The following NSMCE2 variants were observed in gnomAD, a reference collection of about 807,000 sequenced individuals.
NSMCE2 encodes E3 SUMO-protein ligase NSE2.
NSMCE2 carries 24 observed loss-of-function variants against 23.8 expected under a neutral mutation model. The ratio of observed to expected loss-of-function variants is 1.01; its 90% CI spans 0.73 to 1.42. The LOEUF (loss-of-function observed/expected upper bound fraction) is 1.42. NSMCE2 is among the 40% of genes most tolerant of loss of function. The pLI, the probability that NSMCE2 is intolerant of heterozygous loss-of-function variation, is 0.00. For missense variants in NSMCE2, 284 were observed against 296.5 expected (o/e 0.96, Z 0.31); for synonymous variants, 92 against 94.1 (o/e 0.98, Z 0.13).
rs556841069 is a variant in NSMCE2 at position 125,105,079 on chromosome 8, T to G, written c.157+2592T>G. On this transcript the variant is annotated intron_variant, in intron 3 of 7. Transcript: ENST00000287437. ...CAGGGAGGAGGCCATTGCAAGACTT[T>G]TCCCAGTTTTCCCTTATTGCAGTAA... 1.1e-4 allele frequency among the ~76,000 whole-genome samples: 17 copies of G among 152,322 alleles called. No individual in the cohort carries two copies. The South Asian group carries it at 2.5e-3, about 22-fold the overall frequency.
At chr8:125,324,998 A>C (rs999555061) in intron 5 of NSMCE2, among the ~76,000 whole-genome samples, 6 of 152,226 alleles carry the variant, frequency 3.9e-5, no homozygotes, top group African/African-American at 1.2e-4. Context: ...GCACAAGGCA[A>C]CTTTGTGAAC....
intron 5 of NSMCE2, among the ~76,000 whole-genome samples, chr8:125,296,906 A>T (rs537568568): frequency 2.6e-5 from 4 of 152,324 alleles, no homozygotes; most frequent in African/African-American, 9.6e-5. Context: ...AAAAAACAAC[A>T]GTGCTTATAC....
At chr8:125,362,355 A>G (rs1489228515) in intron 7 of NSMCE2, among the ~76,000 whole-genome samples, 1 of 152,226 alleles carries the variant, frequency 6.6e-6, no homozygotes, top group African/African-American at 2.4e-5. Flanking sequence ...CAGTTCCAGC[A>G]TCAACCTCGC....
chr8:125,355,006 C>A (rs568104085), intron 5 of NSMCE2, among the ~76,000 whole-genome samples: 26 of 152,330 alleles, frequency 1.7e-4, no homozygotes, highest in African/African-American at 5.5e-4. Flanking sequence ...TGTGTGTAAG[C>A]TTTATATGAA....
chr8:125,357,682 C>A, intron 6 of NSMCE2, 30 bp from the exon 7 acceptor site: 1 of 1,517,604 alleles, frequency 6.6e-7, no homozygotes, highest in Non-Finnish European at 9.2e-7. Context: ...CATTATCATT[C>A]CTGAAAGCCC....
intron 5 of NSMCE2, among the ~76,000 whole-genome samples, chr8:125,266,033 T>C (rs1008519571): frequency 6.6e-6 from 1 of 151,660 alleles, no homozygotes; most frequent in African/African-American, 2.4e-5. Flanking sequence ...GTGACCCGAA[T>C]AAAGAACACA....
chr8:125,318,452 A>G (rs915040257), intron 5 of NSMCE2, among the ~76,000 whole-genome samples: 1 of 152,194 alleles, frequency 6.6e-6, no homozygotes, highest in Non-Finnish European at 1.5e-5. Flanking sequence ...AAAGATGTAC[A>G]CTTCTGATAA....
In NSMCE2 at chr8:125,234,180, G is replaced by A. The variant is rs1273333781; in HGVS notation, c.418+51924G>A. 3.3e-5 allele frequency among the ~76,000 whole-genome samples: 5 copies of A among 152,102 alleles called. No individual in the cohort carries two copies. In the East Asian group the frequency reaches 7.7e-4, roughly 23 times the overall value. On this transcript the variant is annotated intron_variant, in intron 5 of 7. Transcript: ENST00000287437. ...TGCTCTCCAGCCTGGGCGACAGAGCGAGACTCCGTCTCAAAAAAAAAAATC... is the reference window on the plus strand; with the variant it reads ...TGCTCTCCAGCCTGGGCGACAGAGCAAGACTCCGTCTCAAAAAAAAAAATC...
At chr8:125,159,779 G>A (rs1049503400) in intron 4 of NSMCE2, among the ~76,000 whole-genome samples, 5 of 151,964 alleles carry the variant, frequency 3.3e-5, no homozygotes, top group African/African-American at 9.7e-5. Flanking sequence ...GCCCAACATG[G>A]TAAAACCCCG....
At chr8:125,303,372 C>A (rs1444077689) in intron 5 of NSMCE2, among the ~76,000 whole-genome samples, 1 of 152,128 alleles carries the variant, frequency 6.6e-6, no homozygotes, top group African/African-American at 2.4e-5. Flanking sequence ...GATTCATTTG[C>A]AGGACCAAAT....
intron 5 of NSMCE2, among the ~76,000 whole-genome samples, chr8:125,223,284 A>G (rs1824950592): frequency 6.7e-6 from 1 of 150,226 alleles, no homozygotes; most frequent in Non-Finnish European, 1.5e-5. Context: ...CTTGAACCCC[A>G]GAAGCAGAGG....
At chr8:125,186,871 TA>T (rs1394641955) in intron 5 of NSMCE2, among the ~76,000 whole-genome samples, 1 of 152,230 alleles carries the variant, frequency 6.6e-6, no homozygotes, top group Non-Finnish European at 1.5e-5. Context: ...ACTGTTACTC[TA>T]AAGATAATAT....
At chr8:125,154,878 C>T (rs1821230245) in intron 4 of NSMCE2, among the ~76,000 whole-genome samples, 1 of 152,122 alleles carries the variant, frequency 6.6e-6, no homozygotes, top group Admixed American at 6.5e-5. Flanking sequence ...CCTGATGTTT[C>T]CTCCCTTGCT....
chr8:125,095,885 A>G (rs1249822940), intron 1 of NSMCE2, among the ~76,000 whole-genome samples: 3 of 149,332 alleles, frequency 2.0e-5, no homozygotes, highest in Non-Finnish European at 3.0e-5. Flanking sequence ...TCCATCTCAA[A>G]AAAAAAAAAA....
At chr8:125,111,092 G>A (rs1215028993) in intron 3 of NSMCE2, among the ~76,000 whole-genome samples, 2 of 152,104 alleles carry the variant, frequency 1.3e-5, no homozygotes, top group Non-Finnish European at 2.9e-5. Flanking sequence ...TCCACAACTT[G>A]TGTTCTGGCT....
chr8:125,346,018 G>A (rs906758517), intron 5 of NSMCE2, among the ~76,000 whole-genome samples: 5 of 152,312 alleles, frequency 3.3e-5, no homozygotes, highest in East Asian at 1.9e-4. Flanking sequence ...TTAGCTGGGC[G>A]TGGTGGCACA....
intron 3 of NSMCE2, among the ~76,000 whole-genome samples, chr8:125,122,802 C>A (rs1167482202): frequency 2.0e-5 from 3 of 152,116 alleles, no homozygotes; most frequent in Non-Finnish European, 4.4e-5. Context: ...GGTATTCTCA[C>A]CACTAGATAC....
intron 5 of NSMCE2, among the ~76,000 whole-genome samples, chr8:125,228,269 G>C (rs2130937044): frequency 6.6e-6 from 1 of 152,198 alleles, no homozygotes; most frequent in Non-Finnish European, 1.5e-5. Context: ...AAAGTGTTTT[G>C]ATGCATTTAT....
At chr8:125,221,868 A>G (rs930593972) in intron 5 of NSMCE2, among the ~76,000 whole-genome samples, 8 of 152,216 alleles carry the variant, frequency 5.3e-5, no homozygotes, top group African/African-American at 1.9e-4. Context: ...ATTTTGAAGC[A>G]TTTCAGATTT....
Sources: gnomAD v4.1 joint callset for allele counts (sites outside exome capture counted in the v4.1 genomes callset) on GRCh38, gnomAD v4.1.1 for gene constraint, MANE v1.5 for transcripts, NCBI Gene and HGNC (gene_info 2026-07-23, HGNC 2026-07-21) for gene names.